STARD8: variants seen among roughly 807,000 people sequenced by gnomAD.
The protein encoded by STARD8 is StAR related lipid transfer domain containing 8.
STARD8 carries 25 observed loss-of-function variants against 69.4 expected under a neutral mutation model. The observed-to-expected ratio is 0.36, with a 90% CI of 0.26 to 0.50. STARD8 has a LOEUF of 0.50. STARD8 is among the 20% of genes least tolerant of loss of function. The pLI is 0.96. For synonymous variants in STARD8, 389 were observed against 374.6 expected (o/e 1.04, Z -0.45); for missense variants, 921 against 932.5 (o/e 0.99, Z 0.16).
intron 2 of STARD8, among the ~76,000 whole-genome samples, chrX:68,683,276 G>A (rs1211922789): frequency 8.9e-6 from 1 of 112,514 alleles, no homozygotes; most frequent in Non-Finnish European, 1.9e-5. Context: ...ACTAGCTAAA[G>A]CTGACAGTCC....
At position 68,717,300 on chromosome X, in the gene STARD8, C is replaced by T. The variant is rs764948678; in HGVS notation, c.386C>T (p.Ser129Phe). ...QESKCWSPMG[S>F]SDLLAPPSPG... ...AGTAAGTGCTGGTCTCCTATGGGGT[C>T]CTCTGATCTGTTGGCCCCACCGAGC... The change falls in exon 6 of 15, where the codon TCC becomes TTC. Residue 129 changes from serine (S) to phenylalanine (F), a missense_variant. By Grantham distance (155) the Ser-to-Phe change is radical. Transcript: ENST00000374599. 42 of 1,204,025 alleles carry T rather than the reference C, an allele frequency of 3.5e-5. No homozygotes were observed. Among genetic ancestry groups the T allele is most frequent in the Admixed American group, 2.2e-5 (1 of 45,242 alleles).
chrX:68,665,351 C>T (rs1297477956), intron 1 of STARD8, 148 bp from the exon 2 acceptor site: 1 of 639,517 alleles, frequency 1.6e-6, no homozygotes, highest in Non-Finnish European at 2.4e-6. Flanking sequence ...CACTTTGCTC[C>T]TTACTTCATT....
intron 1 of STARD8, among the ~76,000 whole-genome samples, chrX:68,661,105 AG>A (rs2079641604): frequency 9.0e-6 from 1 of 111,557 alleles, no homozygotes; most frequent in Non-Finnish European, 1.9e-5. Context: ...CAGAGAAACC[AG>A]GCAAGGCAAG....
intron 1 of STARD8, among the ~76,000 whole-genome samples, chrX:68,661,974 T>TC (rs1569353791): frequency 8.6e-5 from 3 of 35,043 alleles, no homozygotes; most frequent in Non-Finnish European, 1.7e-4. Context: ...CTCTCTCTCT[T>TC]TCTTTCTTTC....
At chrX:68,689,297 A>C (rs530998801) in intron 2 of STARD8, among the ~76,000 whole-genome samples, 18 of 102,655 alleles carry the variant, frequency 1.8e-4, no homozygotes, top group East Asian at 1.6e-3. Flanking sequence ...CCGAGGCGTT[A>C]GTGGGGTGCT....
At chrX:68,686,041 G>A (rs1422373578) in intron 2 of STARD8, among the ~76,000 whole-genome samples, 1 of 112,125 alleles carries the variant, frequency 8.9e-6, no homozygotes, top group African/African-American at 3.2e-5. Flanking sequence ...CCATAACTAG[G>A]AAGACACCCC....
intron 1 of STARD8, among the ~76,000 whole-genome samples, chrX:68,658,325 C>G (rs2079623284): frequency 1.8e-5 from 2 of 112,243 alleles, no homozygotes; most frequent in South Asian, 3.7e-4. Context: ...GATTACACAG[C>G]TATTAAGTGG....
In STARD8 at chrX:68,721,622, C is replaced by A. The variant is rs375141224; in HGVS notation, c.2335C>A (p.Leu779Ile). 5.0e-6 allele frequency: 6 copies of A among 1,210,832 alleles called. No individual in the cohort carries two copies. Among genetic ancestry groups the A allele is most frequent in the Non-Finnish European group, 6.7e-6 (6 of 895,389 alleles). Residue 779 changes from leucine to isoleucine, a missense_variant, in exon 10 of 15, where the codon CTC becomes ATC. By Grantham distance (5) the Leu-to-Ile change is conservative (BLOSUM62 2). Coordinates refer to ENST00000374599, the MANE Select transcript of STARD8 (RefSeq NM_001142503.3). ...GAACCGAGAGGTGCTACAGACCCTG[C>A]TCTACTTCTTAAGTGACATTGCCTC... ...DENREVLQTL[L>I]YFLSDIASAE...
chrX:68,710,922 A>T (rs1018280379), intron 2 of STARD8, among the ~76,000 whole-genome samples: 1 of 112,470 alleles, frequency 8.9e-6, no homozygotes, highest in Non-Finnish European at 1.9e-5. Context: ...GGGGCATGAC[A>T]GGAACAGGGA....
At chrX:68,711,284 G>C (rs1156593439) in intron 2 of STARD8, among the ~76,000 whole-genome samples, 1 of 110,990 alleles carries the variant, frequency 9.0e-6, no homozygotes, top group Non-Finnish European at 1.9e-5. Flanking sequence ...GAGAGACAGA[G>C]AGACAGAGAG....
Position 68,721,641 on chromosome X carries a change from T to C in STARD8, c.2354T>C (p.Ile785Thr), listed in dbSNP as rs1412558932. ...LQTLLYFLSD[I>T]ASAEENQMTA... ...ACCCTGCTCTACTTCTTAAGTGACA[T>C]TGCCTCTGCCGAGGAAAACCAGATG... Residue 785 changes from isoleucine to threonine, a missense_variant, in exon 10 of 15, where the codon ATT (isoleucine) becomes ACT (threonine). Ile to Thr is a moderately conservative substitution (Grantham distance 89, BLOSUM62 -1). Transcript: ENST00000374599. The C allele has an allele frequency of 1.7e-6, 2 of 1,212,001 alleles. No homozygotes were observed. The highest frequency in any genetic ancestry group is 1.1e-6 in the Non-Finnish European group (1 of 895,561).
intron 1 of STARD8, among the ~76,000 whole-genome samples, chrX:68,649,485 A>C (rs1296988798): frequency 1.8e-5 from 2 of 110,364 alleles, no homozygotes; most frequent in Non-Finnish European, 3.8e-5. Context: ...CTGTGGTGGA[A>C]TGAGAGAAAA....
At position 68,678,187 on chromosome X, in the gene STARD8, T is replaced by C. The variant is rs188906861; in HGVS notation, c.79+12655T>C. Among the ~76,000 whole-genome samples the C allele has an allele frequency of 3.6e-5, 4 of 110,457 alleles. No individual in the cohort carries two copies. The Admixed American group carries it at 3.9e-4, about 11-fold the overall frequency. On this transcript the variant is annotated intron_variant, in intron 2 of 14. Transcript: ENST00000374599. ...TGGGTGGGGTCAAAGAAGAGATGAG[T>C]GTGGCCAGAGAAGGGAGGATCAATC...
chrX:68,666,457 G>T (rs1016963618), intron 2 of STARD8, among the ~76,000 whole-genome samples: 41 of 112,197 alleles, frequency 3.7e-4, no homozygotes, highest in African/African-American at 1.3e-3. Flanking sequence ...CCTGTGCAAG[G>T]CATCTTGGGA....
In STARD8 at chrX:68,718,145, C is replaced by T; in HGVS notation, c.1231C>T (p.Pro411Ser). 8.3e-7 allele frequency: 1 copy of T among 1,211,662 alleles called. No individual in the cohort carries two copies. Among genetic ancestry groups the T allele is most frequent in the Non-Finnish European group, 1.1e-6 (1 of 895,469 alleles). ...RVELWSRAMY[P>S]DLGPGDEEEE... ...AGAGCTGTGGTCTCGGGCCATGTAC[C>T]CAGACCTGGGGCCTGGAGATGAGGA... The change falls in exon 6 of 15, where the codon CCA becomes TCA. Residue 411 changes from proline (P) to serine (S), a missense_variant. Coordinates refer to ENST00000374599, the MANE Select transcript of STARD8 (RefSeq NM_001142503.3).
At position 68,722,405 on chromosome X, in the gene STARD8, T is replaced by A. The variant is rs373914853; in HGVS notation, c.2575-17T>A. 9.4e-6 allele frequency: 11 copies of A among 1,173,579 alleles called. No homozygotes were observed. Among genetic ancestry groups the A allele is most frequent in the Admixed American group, 4.8e-5 (2 of 41,657 alleles). ...TGCTCTCTGGAGCTGCAGCCCATTG[T>A]GTGTGTGCCCTCTCAGGTGCCCCAG... On this transcript the variant is annotated splice_polypyrimidine_tract_variant and intron_variant, in intron 11 of 14. Coordinates refer to ENST00000374599, the MANE Select transcript of STARD8 (RefSeq NM_001142503.3).
At chrX:68,656,975 G>A (rs2079615180) in intron 1 of STARD8, among the ~76,000 whole-genome samples, 1 of 111,464 alleles carries the variant, frequency 9.0e-6, no homozygotes, top group Non-Finnish European at 1.9e-5. Context: ...CCTGCACATT[G>A]TGCACATGTA....
intron 3 of STARD8, among the ~76,000 whole-genome samples, chrX:68,713,930 C>T (rs190474084): frequency 1.4e-3 from 154 of 112,193 alleles, no homozygotes; most frequent in African/African-American, 4.7e-3. Flanking sequence ...CATTTACCCA[C>T]TTGCTCAAGC....
intron 2 of STARD8, among the ~76,000 whole-genome samples, chrX:68,706,988 C>T (rs2080012254): frequency 8.9e-6 from 1 of 112,902 alleles, no homozygotes; most frequent in Non-Finnish European, 1.9e-5. Flanking sequence ...CCTCCTAGCC[C>T]TGCCTTGAGG....
Sources: gnomAD v4.1 joint callset for allele counts (sites outside exome capture counted in the v4.1 genomes callset) on GRCh38, gnomAD v4.1.1 for gene constraint, MANE v1.5 for transcripts, NCBI Gene and HGNC (gene_info 2026-07-23, HGNC 2026-07-21) for gene names.